Variants in VPS29 observed in about 807,000 individuals in gnomAD.
VPS29 encodes the protein vacuolar protein sorting-associated protein 29.
In VPS29, 2 loss-of-function variants were observed where a neutral mutation model predicts 20.0. The observed-to-expected ratio is 0.10, with a 90% confidence interval of 0.04 to 0.31. VPS29 has a LOEUF of 0.31. Among genes scored for constraint, VPS29 ranks in the 10% least tolerant of loss-of-function variants. VPS29 has a pLI of 1.00. For synonymous variants in VPS29, 81 were observed against 79.3 expected, an observed-to-expected ratio of 1.02 and a Z score of -0.12; for missense variants, 120 against 215.3, an observed-to-expected ratio of 0.56 and a Z score of 2.77.
rs942144776 is a variant in VPS29, at chr12:110,495,701, C to T, written c.195+311G>A. Among the ~76,000 whole-genome samples, 9 of 150,338 alleles carry T rather than the reference C, an allele frequency of 6.0e-5. No homozygotes were observed. In the East Asian group the frequency reaches 1.8e-3, roughly 30 times the overall value. Reference sequence around the variant, plus strand: ...CAGCCTGGGCGACAGAGCAAGACTCCATCTCAAAAAAAACAAAAACAAACA... The same window carrying T: ...CAGCCTGGGCGACAGAGCAAGACTCTATCTCAAAAAAAACAAAAACAAACA... On this transcript the variant is annotated intron_variant, in intron 2 of 3. Transcript: ENST00000549578.
chr12:110,495,064 G>A (rs1323407579), intron 2 of VPS29, among the ~76,000 whole-genome samples: 6 of 152,124 alleles, frequency 3.9e-5, no homozygotes, highest in Admixed American at 1.3e-4. Flanking sequence ...TTATTGAGGC[G>A]TAATTTACAC....
chr12:110,492,475 C>T (rs1256993941), intron 3 of VPS29, among the ~76,000 whole-genome samples: 1 of 151,164 alleles, frequency 6.6e-6, no homozygotes, highest in Non-Finnish European at 1.5e-5. Context: ...GAGACTGAGG[C>T]ACAAGAATCA....
chr12:110,493,293 C>T, intron 2 of VPS29, 62 bp from the exon 3 acceptor site: 2 of 1,237,148 alleles, frequency 1.6e-6, no homozygotes, highest in Non-Finnish European at 2.2e-6. Context: ...TTAAAAAAAT[C>T]AGTTTCCTTA....
chr12:110,494,150 A>T (rs1410352704), intron 2 of VPS29, among the ~76,000 whole-genome samples: 2 of 152,120 alleles, frequency 1.3e-5, no homozygotes, highest in African/African-American at 4.8e-5. Context: ...CAATAAAAAG[A>T]CAGTATGCCC....
intron 1 of VPS29, among the ~76,000 whole-genome samples, chr12:110,501,034 A>C (rs1288130249): frequency 1.3e-5 from 2 of 152,198 alleles, no homozygotes; most frequent in East Asian, 1.9e-4. Flanking sequence ...ACAAAAATTT[A>C]GACGGGCTTG....
At position 110,492,002 on chromosome 12, in the gene VPS29, G is replaced by A; in HGVS notation, c.*3C>T. 6.2e-7 allele frequency: 1 copy of A among 1,610,584 alleles called. No individual in the cohort carries two copies. The highest frequency in any genetic ancestry group is 8.5e-7 in the Non-Finnish European group (1 of 1,177,488). ...ACCAAAAATCATCAAGACAGGCCTG[G>A]CTTTAAGGTTTTTTGTATTCGATTC... On this transcript the variant is annotated 3_prime_UTR_variant, in exon 4 of 4. Transcript: ENST00000549578.
At chr12:110,497,207 CTTTTTTTTTTT>C (rs71083128) in intron 1 of VPS29, among the ~76,000 whole-genome samples, 2 of 77,214 alleles carry the variant, frequency 2.6e-5, no homozygotes, top group African/African-American at 1.0e-4. Flanking sequence ...AAATTTCTTT[CTTTTTTTTTTT>C]TTTTTTTTTT....
intron 1 of VPS29, chr12:110,499,586 G>GAA: frequency 2.2e-6 from 3 of 1,350,550 alleles, no homozygotes; most frequent in Non-Finnish European, 1.0e-6. Context: ...CAGGGGGGAT[G>GAA]AAAAAAAAAG....
rs577811115 is a variant in VPS29 at position 110,499,680 on chromosome 12, C to G, written c.3+2369G>C. ...GAACAAAAAACCCATACCAAATGAG[C>G]AAACAATTGTTAATGATTTCTGAGT... On this transcript the variant is annotated intron_variant, in intron 1 of 3. Coordinates refer to ENST00000549578, the MANE Select transcript of VPS29 (RefSeq NM_016226.5). 10 of 648,052 alleles carry G rather than the reference C, an allele frequency of 1.5e-5. No homozygotes were observed. The South Asian group carries it at 1.9e-4, about 12-fold the overall frequency. 40.1% of individuals were successfully genotyped at this position (648,052 alleles called of 1,614,324 possible).
Position 110,496,015 on chromosome 12 carries a change from A to C in VPS29, c.192T>G (p.Asp64Glu). ...GDVHIVRGDFDENLNYPEQKV... is the reference protein window; with the variant it reads ...GDVHIVRGDFEENLNYPEQKV... ...AAGGGAAAGGGAAATACATCACCTC[A>C]TCGAAGTCTCCTCTCACAATATGAA... Residue 64 changes from aspartate to glutamate, a missense_variant, in exon 2 of 4, where the codon GAT (aspartate) becomes GAG (glutamate). Physicochemically the swap from Asp to Glu is conservative, Grantham distance 45. Coordinates refer to ENST00000549578, the MANE Select transcript of VPS29 (RefSeq NM_016226.5). The C allele has an allele frequency of 1.3e-6, 2 of 1,544,212 alleles. No individual in the cohort carries two copies. Among genetic ancestry groups the C allele is most frequent in the Non-Finnish European group, 1.8e-6 (2 of 1,131,160 alleles).
chr12:110,498,238 C>T lies in VPS29; in HGVS notation c.4-2035G>A, dbSNP rs899947593. On this transcript the variant is annotated intron_variant, in intron 1 of 3. Transcript: ENST00000549578. ...CCACCTGCCCTGGCCTCCCAAACTGCTAGGATTATAGGCGTGAGCCACTGC... is the reference window on the plus strand; with the variant it reads ...CCACCTGCCCTGGCCTCCCAAACTGTTAGGATTATAGGCGTGAGCCACTGC... 8.5e-5 allele frequency among the ~76,000 whole-genome samples: 13 copies of T among 152,254 alleles called. No individual in the cohort carries two copies. The South Asian group carries it at 1.9e-3, about 22-fold the overall frequency.
rs1483237137 is a variant in VPS29 at position 110,493,096 on chromosome 12, G to C, written c.331C>G (p.Leu111Val). The change falls in exon 3 of 4, where the codon CTT (leucine) becomes GTT (valine). Residue 111 changes from leucine (L) to valine (V), a missense_variant. Transcript: ENST00000549578. ...AATTTGTGTGTGTGTCCCGAGATAAGAATGTCCACATCAAATTGCCTCTGC... is the reference window on the plus strand; with the variant it reads ...AATTTGTGTGTGTGTCCCGAGATAACAATGTCCACATCAAATTGCCTCTGC... ...LLQRQFDVDI[L>V]ISGHTHKFEA... 6.2e-7 allele frequency: 1 copy of C among 1,614,012 alleles called. No homozygotes were observed. Among genetic ancestry groups the C allele is most frequent in the African/African-American group, 1.3e-5 (1 of 75,006 alleles).
At chr12:110,495,720 A>G (rs1337859522) in intron 2 of VPS29, among the ~76,000 whole-genome samples, 4 of 152,044 alleles carry the variant, frequency 2.6e-5, no homozygotes, top group Admixed American at 6.6e-5. Context: ...AAAAACAAAA[A>G]CAAACAAAAA....
intron 1 of VPS29, chr12:110,499,640 C>CAAA (rs376108608): frequency 2.0e-5 from 13 of 642,582 alleles, no homozygotes; most frequent in Admixed American, 7.0e-5. Flanking sequence ...AAAAAGAAAC[C>CAAA]AAAAAAAAAA....
intron 2 of VPS29, among the ~76,000 whole-genome samples, chr12:110,494,922 G>A (rs1016614466): frequency 2.0e-5 from 3 of 151,828 alleles, no homozygotes; most frequent in East Asian, 2.0e-4. Context: ...GGGTTTCACC[G>A]TATCAGCCAG....
At position 110,493,218 on chromosome 12, in the gene VPS29, G is replaced by A; in HGVS notation, c.209C>T (p.Pro70Leu). 12 of 1,512,548 alleles carry A rather than the reference G, an allele frequency of 7.9e-6. No homozygotes were observed. Among genetic ancestry groups the A allele is most frequent in the Admixed American group, 2.3e-5 (1 of 43,410 alleles). The allele number at this position is 1,512,548 out of a possible 1,614,324, so 93.7% of individuals were successfully genotyped here. ...RGDFDENLNY[P>L]EQKVVTVGQF... ...TCCAACAGTCACAACTTTCTGTTCT[G>A]GATAATTCAGATTCTAACATAAGAA... Residue 70 changes from proline to leucine, a missense_variant, in exon 3 of 4, where the codon CCA becomes CTA. Coordinates refer to ENST00000549578, the MANE Select transcript of VPS29 (RefSeq NM_016226.5).
intron 3 of VPS29, 94 bp downstream of exon 3, chr12:110,492,902 G>A: frequency 8.7e-7 from 1 of 1,155,276 alleles, no homozygotes; most frequent in Non-Finnish European, 1.2e-6. Context: ...TTACAGGCAT[G>A]AGCCACTGTG....
At chr12:110,494,744 G>A (rs2062875300) in intron 2 of VPS29, among the ~76,000 whole-genome samples, 1 of 151,842 alleles carries the variant, frequency 6.6e-6, no homozygotes, top group Non-Finnish European at 1.5e-5. Flanking sequence ...TTTTGAGATA[G>A]AGTTTCACTC....
At chr12:110,501,943 G>T (rs1425045391) in intron 1 of VPS29, 106 bp downstream of exon 1, 5 of 1,606,944 alleles carry the variant, frequency 3.1e-6, no homozygotes, top group Non-Finnish European at 4.2e-6. Flanking sequence ...TGACGCCGAG[G>T]CCTCCGGGAT....
Sources: allele counts gnomAD v4.1 joint callset (sites outside exome capture counted in the v4.1 genomes callset), GRCh38; gene constraint gnomAD v4.1.1; transcripts MANE v1.5; gene names NCBI Gene and HGNC (gene_info 2026-07-23, HGNC 2026-07-21).